Variants in TCF7L2 observed in about 807,000 individuals in gnomAD.
TCF7L2 encodes the protein transcription factor 7-like 2.
Under a neutral mutation model 77.9 loss-of-function variants are expected in TCF7L2, and 23 were observed. That is an observed-to-expected ratio of 0.30 (90% CI 0.21 to 0.42). The LOEUF (loss-of-function observed/expected upper bound fraction) is 0.42. Among genes scored for constraint, TCF7L2 ranks in the 10% least tolerant of loss-of-function variants. TCF7L2 has a pLI of 1.00. For missense variants in TCF7L2, 654 were observed against 793.1 expected (o/e 0.82, Z 2.11); for synonymous variants, 413 against 340.2 (o/e 1.21, Z -2.36).
intron 4 of TCF7L2, among the ~76,000 whole-genome samples, chr10:112,968,602 G>T (rs532122520): frequency 2.0e-5 from 3 of 151,828 alleles, no homozygotes; most frequent in African/African-American, 7.3e-5. Flanking sequence ...TTTTTGAAAC[G>T]GATTCTCATT....
chr10:113,154,144 G>T (rs138020337), intron 11 of TCF7L2, among the ~76,000 whole-genome samples: 13 of 152,288 alleles, frequency 8.5e-5, no homozygotes, highest in African/African-American at 3.1e-4. Context: ...TGTGTGCAGT[G>T]GGGAGGCCTT....
chr10:112,991,591 G>A (rs906935546), intron 4 of TCF7L2, among the ~76,000 whole-genome samples: 4 of 152,094 alleles, frequency 2.6e-5, no homozygotes, highest in Admixed American at 6.5e-5. Context: ...CTCTGCCACC[G>A]CCAAGGGGAG....
intron 5 of TCF7L2, among the ~76,000 whole-genome samples, chr10:113,114,439 A>C (rs1591862165): frequency 6.6e-6 from 1 of 152,206 alleles, no homozygotes; most frequent in Non-Finnish European, 1.5e-5. Context: ...ACATCCCTTG[A>C]TATCTTGGAG....
At chr10:113,158,691 C>T in intron 12 of TCF7L2, 1 of 1,613,838 alleles carries the variant, frequency 6.2e-7, no homozygotes. Context: ...TTCCTAAATC[C>T]TTGCCTTTCA....
intron 5 of TCF7L2, among the ~76,000 whole-genome samples, chr10:113,043,145 T>C (rs948895407): frequency 3.3e-5 from 5 of 152,254 alleles, no homozygotes; most frequent in Admixed American, 2.6e-4. Context: ...GCTTGAAGAA[T>C]AGGGATGTAT....
chr10:113,102,396 A>G (rs2061764150), intron 5 of TCF7L2, among the ~76,000 whole-genome samples: 1 of 151,636 alleles, frequency 6.6e-6, no homozygotes, highest in South Asian at 2.1e-4. Context: ...GAAACTGGCA[A>G]ACATCTGTTT....
chr10:113,058,219 G>A (rs921867353), intron 5 of TCF7L2, among the ~76,000 whole-genome samples: 1 of 152,178 alleles, frequency 6.6e-6, no homozygotes, highest in African/African-American at 2.4e-5. Flanking sequence ...CCTTTCGGGA[G>A]AGAATGGCTT....
chr10:112,976,378 C>T (rs2039428646), intron 4 of TCF7L2, among the ~76,000 whole-genome samples: 1 of 152,170 alleles, frequency 6.6e-6, no homozygotes, highest in Non-Finnish European at 1.5e-5. Context: ...AGATTTATGA[C>T]TCCTATTCCT....
At chr10:113,133,480 G>A (rs2066918630) in intron 5 of TCF7L2, among the ~76,000 whole-genome samples, 2 of 152,124 alleles carry the variant, frequency 1.3e-5, no homozygotes, top group African/African-American at 4.8e-5. Flanking sequence ...GACCCTTCAT[G>A]TTTGGCAGTC....
chr10:113,085,827 T>C (rs1340222375), intron 5 of TCF7L2, among the ~76,000 whole-genome samples: 1 of 152,210 alleles, frequency 6.6e-6, no homozygotes, highest in Non-Finnish European at 1.5e-5. Context: ...CTGTCACAAA[T>C]AGGCAGTGTT....
chr10:113,010,542 A>G (rs556820818), intron 4 of TCF7L2, among the ~76,000 whole-genome samples: 2 of 152,212 alleles, frequency 1.3e-5, no homozygotes, highest in Non-Finnish European at 2.9e-5. Context: ...TCACACTGTT[A>G]AGGAGATAGA....
intron 7 of TCF7L2, among the ~76,000 whole-genome samples, chr10:113,145,024 G>A (rs2069077713): frequency 6.6e-6 from 1 of 151,984 alleles, no homozygotes; most frequent in Admixed American, 6.5e-5. Context: ...TAGGGAAGAT[G>A]GCCTTTCAAA....
At chr10:113,023,542 G>T (rs2048580759) in intron 4 of TCF7L2, among the ~76,000 whole-genome samples, 1 of 152,216 alleles carries the variant, frequency 6.6e-6, no homozygotes. Context: ...CACGATCTCA[G>T]CTCACTGCAA....
intron 5 of TCF7L2, among the ~76,000 whole-genome samples, chr10:113,112,609 T>G (rs1315314280): frequency 6.6e-6 from 1 of 152,220 alleles, no homozygotes; most frequent in Non-Finnish European, 1.5e-5. Flanking sequence ...TTAAATCAAC[T>G]TACTGGATTT....
At chr10:113,145,920 T>C (rs1452080907) in intron 7 of TCF7L2, 91 bp from the exon 8 acceptor site, 5 of 1,051,320 alleles carry the variant, frequency 4.8e-6, no homozygotes, top group African/African-American at 4.7e-5. Context: ...TAAAGCTTAC[T>C]GTGCAGAGAG....
intron 5 of TCF7L2, among the ~76,000 whole-genome samples, chr10:113,121,680 T>C (rs1053538102): frequency 1.3e-5 from 2 of 152,070 alleles, no homozygotes; most frequent in Non-Finnish European, 2.9e-5. Flanking sequence ...CCCCCTTCTC[T>C]CAATATATAT....
At chr10:112,974,589 C>A (rs1320078207) in intron 4 of TCF7L2, among the ~76,000 whole-genome samples, 2 of 152,176 alleles carry the variant, frequency 1.3e-5, no homozygotes, top group East Asian at 3.9e-4. Flanking sequence ...ATTACAGGTG[C>A]CTGCCACCAT....
chr10:113,026,309 G>A (rs976807190), intron 4 of TCF7L2, among the ~76,000 whole-genome samples: 6 of 151,978 alleles, frequency 3.9e-5, no homozygotes, highest in Admixed American at 3.9e-4. Context: ...CCACCACCAT[G>A]CCTGGCTAAT....
chr10:112,957,439 C>A (rs892762503), intron 3 of TCF7L2, among the ~76,000 whole-genome samples: 4 of 151,882 alleles, frequency 2.6e-5, no homozygotes, highest in African/African-American at 9.7e-5. Flanking sequence ...GAAAAAAAAT[C>A]CAGGTTTACA....
Sources: gnomAD v4.1 joint callset for allele counts (sites outside exome capture counted in the v4.1 genomes callset) on GRCh38, gnomAD v4.1.1 for gene constraint, MANE v1.5 for transcripts, NCBI Gene and HGNC (gene_info 2026-07-23, HGNC 2026-07-21) for gene names.